Variants in LPIN2 observed in about 807,000 individuals in gnomAD.
LPIN2 encodes the protein lipin 2.
Under a neutral mutation model 111.4 loss-of-function variants are expected in LPIN2, and 55 were observed. That is an observed-to-expected ratio of 0.49 (90% CI 0.40 to 0.62). LPIN2 has a LOEUF of 0.62. LPIN2 is among the 20% of genes least tolerant of loss of function. The pLI is 0.00. For synonymous variants in LPIN2, 425 were observed against 414.0 expected, an observed-to-expected ratio of 1.03 and a Z score of -0.32; for missense variants, 992 against 1,112.1, an observed-to-expected ratio of 0.89 and a Z score of 1.54.
In LPIN2 at chr18:2,945,744, T is replaced by C. The variant is rs945771708; in HGVS notation, c.591-5032A>G. 5.9e-6 allele frequency: 7 copies of C among 1,194,266 alleles called. 1 individual carries two copies. Among genetic ancestry groups the C allele is most frequent in the Middle Eastern group, 5.4e-4 (2 of 3,680 alleles). The allele number at this position is 1,194,266 out of a possible 1,614,324, so 74.0% of individuals were successfully genotyped here. On this transcript the variant is annotated intron_variant, in intron 4 of 19. Transcript: ENST00000677752. ...TTCCTTCTCTCCTTCAAATACAATA[T>C]GCGCATCTAACAATGTGCTATTTGC...
chr18:2,983,892 C>T (rs535626520), intron 1 of LPIN2, among the ~76,000 whole-genome samples: 1 of 151,912 alleles, frequency 6.6e-6, no homozygotes. Flanking sequence ...TGCTCTAAGG[C>T]CCCGAGACAA....
chr18:2,921,230 A>G, intron 18 of LPIN2: 1 of 551,942 alleles, frequency 1.8e-6, no homozygotes, highest in South Asian at 2.0e-5. Context: ...CTCTGGGGTG[A>G]TCCAAGGACG....
rs1469507863 is a variant in LPIN2 at position 2,937,764 on chromosome 18, T to C, written c.1096A>G (p.Asn366Asp). Residue 366 changes from asparagine (N) to aspartate (D), a missense_variant, in exon 7 of 20, where the codon AAC (asparagine) becomes GAC (aspartate). Physicochemically the swap from Asn to Asp is conservative, Grantham distance 23. This residue lies in a region of LPIN2 where 709 missense variants were observed against 753.2 expected (regional missense o/e 0.94). Transcript: ENST00000677752. ...GAGGGCGCCTCCGCTAAGGCTGCGTTGGGAAGGTGGTCAGCATCTAACATA... is the reference window on the plus strand; with the variant it reads ...GAGGGCGCCTCCGCTAAGGCTGCGTCGGGAAGGTGGTCAGCATCTAACATA... ...SSMLDADHLP[N>D]AALAEAPSES... 1 of 1,614,064 alleles carries C rather than the reference T, an allele frequency of 6.2e-7. No individual in the cohort carries two copies. Among genetic ancestry groups the C allele is most frequent in the African/African-American group, 1.3e-5 (1 of 75,002 alleles).
intron 1 of LPIN2, chr18:2,977,319 A>G (rs900635018): frequency 9.8e-5 from 15 of 152,322 alleles, no homozygotes; most frequent in African/African-American, 3.4e-4. Context: ...CCATGGTTTT[A>G]AAGTACATAC....
chr18:2,961,088 G>A (rs559756926), intron 1 of LPIN2, among the ~76,000 whole-genome samples: 6 of 152,106 alleles, frequency 3.9e-5, no homozygotes, highest in African/African-American at 1.4e-4. Flanking sequence ...AGGGCCTGAG[G>A]CATTCCCTTT....
At chr18:2,952,057 T>C (rs1158487380) in intron 3 of LPIN2, among the ~76,000 whole-genome samples, 1 of 152,238 alleles carries the variant, frequency 6.6e-6, no homozygotes, top group Non-Finnish European at 1.5e-5. Context: ...TGGTGTTCAG[T>C]AAATTCATGT....
chr18:2,977,744 ATAAAT>A (rs2078044057), intron 1 of LPIN2, among the ~76,000 whole-genome samples: 1 of 152,070 alleles, frequency 6.6e-6, no homozygotes, highest in African/African-American at 2.4e-5. Context: ...CACTGATAGA[ATAAAT>A]TAATATATAA....
chr18:2,973,537 T>C (rs760574876), intron 1 of LPIN2, among the ~76,000 whole-genome samples: 1 of 152,228 alleles, frequency 6.6e-6, no homozygotes, highest in Non-Finnish European at 1.5e-5. Flanking sequence ...CCCTGTTAAG[T>C]AGTACCCCAC....
Position 2,925,195 on chromosome 18 carries a change from C to T in LPIN2, c.1938+29G>A, listed in dbSNP as rs1466079817. 7 of 1,613,912 alleles carry T rather than the reference C, an allele frequency of 4.3e-6. No individual in the cohort carries two copies. The highest frequency in any genetic ancestry group is 3.3e-5 in the Admixed American group (2 of 60,012). On this transcript the variant is annotated intron_variant, in intron 14 of 19. Transcript: ENST00000677752. This position sits in a 1 kb window ranked among gnomAD's most constrained non-coding sequence, Gnocchi z 4.1. Reference sequence around the variant, plus strand: ...TAAACCATTACTAAAATAAGTCCTACTGGACAACACAGATCATGCAAGACT... The same window carrying T: ...TAAACCATTACTAAAATAAGTCCTATTGGACAACACAGATCATGCAAGACT...
chr18:2,961,201 GA>G (rs779499148), intron 1 of LPIN2, among the ~76,000 whole-genome samples: 25 of 152,114 alleles, frequency 1.6e-4, no homozygotes, highest in Non-Finnish European at 2.9e-4. Flanking sequence ...TCCTGCCCAA[GA>G]CCCTTTGGAA....
At chr18:2,976,600 G>A (rs2078021057) in intron 1 of LPIN2, among the ~76,000 whole-genome samples, 1 of 152,136 alleles carries the variant, frequency 6.6e-6, no homozygotes, top group African/African-American at 2.4e-5. Flanking sequence ...CAGCTTCCCT[G>A]GGCATTCAAC....
chr18:2,941,552 T>C (rs1424891910), intron 4 of LPIN2, among the ~76,000 whole-genome samples: 2 of 152,232 alleles, frequency 1.3e-5, no homozygotes, highest in Admixed American at 1.3e-4. Context: ...ATTTATCATT[T>C]GTCCTGTCTA....
At chr18:2,938,700 G>A (rs185751740) in intron 6 of LPIN2, among the ~76,000 whole-genome samples, 34 of 152,230 alleles carry the variant, frequency 2.2e-4, no homozygotes, top group African/African-American at 7.9e-4. Flanking sequence ...TGTAAAAGTG[G>A]CAAGTCTAAA....
intron 1 of LPIN2, among the ~76,000 whole-genome samples, chr18:3,006,139 A>C (rs1185179284): frequency 2.0e-5 from 3 of 152,230 alleles, no homozygotes; most frequent in African/African-American, 7.2e-5. Flanking sequence ...TAAAAAACTT[A>C]GCAAAATGCC....
At chr18:2,929,269 A>G (rs1568522654) in intron 9 of LPIN2, 111 bp from the exon 10 acceptor site, 1 of 784,682 alleles carries the variant, frequency 1.3e-6, no homozygotes, top group Non-Finnish European at 2.1e-6. Context: ...CTGTCTAAAA[A>G]AACTAATTTT....
chr18:3,004,331 A>G (rs1388017262), intron 1 of LPIN2, among the ~76,000 whole-genome samples: 1 of 152,190 alleles, frequency 6.6e-6, no homozygotes, highest in Non-Finnish European at 1.5e-5. Context: ...GCTCGGGGTC[A>G]TCATTACGGT....
Position 2,965,146 on chromosome 18 carries a change from GA to G in LPIN2, c.-9-4298del, listed in dbSNP as rs201489023. On this transcript the variant is annotated intron_variant, in intron 1 of 19. Transcript: ENST00000677752. ...TTGATTACTCAAATAAAAAAGTGAA[GA>G]AAAAAAAAAGCAGTAGAAAATAAGC... is the stretch of plus-strand genomic sequence containing the variant. Among the ~76,000 whole-genome samples the G allele has an allele frequency of 7.1e-3, 1,035 of 145,298 alleles. 14 individuals carry two copies. The highest frequency in any genetic ancestry group is 0.024 in the African/African-American group (934 of 39,674).
intron 8 of LPIN2, among the ~76,000 whole-genome samples, chr18:2,931,707 T>C (rs781392350): frequency 1.2e-4 from 18 of 152,200 alleles, no homozygotes; most frequent in Non-Finnish European, 2.5e-4. Flanking sequence ...TTCACAATAA[T>C]GCAAACATTT....
intron 1 of LPIN2, among the ~76,000 whole-genome samples, chr18:2,965,178 C>T (rs2077776464): frequency 1.3e-5 from 2 of 152,078 alleles, no homozygotes; most frequent in South Asian, 4.1e-4. Flanking sequence ...TAAGCAACTA[C>T]AATACTTATT....
Sources: gnomAD v4.1 joint callset for allele counts (sites outside exome capture counted in the v4.1 genomes callset) on GRCh38, gnomAD v4.1.1 for gene constraint, gnomAD v4.1.1 regional missense constraint, Gnocchi (gnomAD v3.1) non-coding constraint, MANE v1.5 for transcripts, NCBI Gene and HGNC (gene_info 2026-07-23, HGNC 2026-07-21) for gene names.